The following PCDH9 variants were observed in gnomAD, a reference collection of about 807,000 sequenced individuals.
PCDH9 encodes the protein protocadherin-9.
Under a neutral mutation model 70.6 loss-of-function variants are expected in PCDH9, and 24 were observed. That is an observed-to-expected ratio of 0.34 (90% CI 0.25 to 0.48). The LOEUF (loss-of-function observed/expected upper bound fraction) is 0.48, where lower values mean the gene tolerates loss of function less well. Ranked by LOEUF, PCDH9 falls within the 20% of genes least tolerant of loss-of-function variation. The pLI is 0.99. For synonymous variants in PCDH9, 562 were observed against 558.5 expected (o/e 1.01, Z -0.09); for missense variants, 1,281 against 1,503.6 (o/e 0.85, Z 2.45).
At position 66,885,590 on chromosome 13, in the gene PCDH9, A is replaced by G. The variant is rs181571581; in HGVS notation, c.3138+17914T>C. On this transcript the variant is annotated intron_variant, in intron 3 of 4. Coordinates refer to ENST00000377865, the MANE Select transcript of PCDH9 (RefSeq NM_203487.3). Reference sequence around the variant, plus strand: ...AAAGAGAGAAAGAGTTCAAGTAACAATTGGGATTATGCATTTATATTGCCA... The same window carrying G: ...AAAGAGAGAAAGAGTTCAAGTAACAGTTGGGATTATGCATTTATATTGCCA... 5.2e-3 allele frequency among the ~76,000 whole-genome samples: 786 copies of G among 152,240 alleles called. 12 individuals carry two copies. Among genetic ancestry groups the G allele is most frequent in the African/African-American group, 0.018 (755 of 41,548 alleles).
chr13:66,533,298 T>C (rs949927026), intron 4 of PCDH9, among the ~76,000 whole-genome samples: 3 of 152,122 alleles, frequency 2.0e-5, no homozygotes, highest in African/African-American at 4.8e-5. Context: ...AAAATAAATA[T>C]GTTCATTAGA....
chr13:66,534,150 A>C (rs1404268654), intron 4 of PCDH9, among the ~76,000 whole-genome samples: 2 of 152,170 alleles, frequency 1.3e-5, no homozygotes, highest in African/African-American at 4.8e-5. Context: ...ATAACAATAT[A>C]ACTTAGAAGG....
intron 4 of PCDH9, among the ~76,000 whole-genome samples, chr13:66,485,752 T>G (rs1459415228): frequency 6.6e-6 from 1 of 151,998 alleles, no homozygotes. Context: ...TATTTTTTAT[T>G]TTTTTTGAGA....
chr13:67,040,636 GT>G (rs1380822622), intron 2 of PCDH9, among the ~76,000 whole-genome samples: 1 of 152,090 alleles, frequency 6.6e-6, no homozygotes, highest in Non-Finnish European at 1.5e-5. Context: ...AAGCCACCAA[GT>G]TTATAGTACT....
chr13:66,559,271 C>T (rs1319847495), intron 4 of PCDH9, among the ~76,000 whole-genome samples: 1 of 150,846 alleles, frequency 6.6e-6, no homozygotes, highest in Non-Finnish European at 1.5e-5. Flanking sequence ...GTAAACAAAT[C>T]AGCTAAGAGC....
chr13:66,367,694 G>A (rs1956577109), intron 4 of PCDH9, among the ~76,000 whole-genome samples: 1 of 152,096 alleles, frequency 6.6e-6, no homozygotes, highest in African/African-American at 2.4e-5. Context: ...TTGAAGGGGT[G>A]ACACTAAATA....
intron 2 of PCDH9, among the ~76,000 whole-genome samples, chr13:67,058,155 T>G (rs2085459538): frequency 6.6e-6 from 1 of 152,174 alleles, no homozygotes; most frequent in South Asian, 2.1e-4. Flanking sequence ...AAAGGAATTT[T>G]CATGACTTCA....
intron 3 of PCDH9, among the ~76,000 whole-genome samples, chr13:66,852,599 T>G (rs748716165): frequency 2.6e-5 from 4 of 152,182 alleles, no homozygotes; most frequent in Non-Finnish European, 2.9e-5. Flanking sequence ...GTGACACCCT[T>G]CTTACCAACT....
At chr13:67,109,070 C>T (rs1270449695) in intron 2 of PCDH9, among the ~76,000 whole-genome samples, 4 of 152,098 alleles carry the variant, frequency 2.6e-5, no homozygotes, top group Non-Finnish European at 5.9e-5. Context: ...TATAAATGTA[C>T]ATATTTTATA....
chr13:66,511,777 C>T (rs1027364819), intron 4 of PCDH9, among the ~76,000 whole-genome samples: 8 of 152,054 alleles, frequency 5.3e-5, no homozygotes, highest in African/African-American at 1.4e-4. Context: ...TCCTGCTTTT[C>T]CCATGTGATA....
chr13:66,573,347 T>C (rs1021633414), intron 4 of PCDH9, among the ~76,000 whole-genome samples: 2 of 151,806 alleles, frequency 1.3e-5, no homozygotes, highest in African/African-American at 4.8e-5. Context: ...ATAGATAGTC[T>C]GCAAATATTT....
chr13:67,220,799 CT>C (rs1350878055), intron 2 of PCDH9: 1 of 152,056 alleles, frequency 6.6e-6, no homozygotes, highest in African/African-American at 2.4e-5. Context: ...ACAATAGTAA[CT>C]TTTCATTTTT....
intron 2 of PCDH9, among the ~76,000 whole-genome samples, chr13:67,068,281 T>A (rs990368020): frequency 6.6e-6 from 1 of 151,610 alleles, no homozygotes; most frequent in African/African-American, 2.4e-5. Flanking sequence ...TTATTAAAAG[T>A]TTATTTTATT....
At chr13:66,772,082 C>T (rs1297097099) in intron 3 of PCDH9, among the ~76,000 whole-genome samples, 1 of 152,210 alleles carries the variant, frequency 6.6e-6, no homozygotes, top group Non-Finnish European at 1.5e-5. Context: ...AGGTAGCCAA[C>T]ATTCTGGCAT....
intron 2 of PCDH9, among the ~76,000 whole-genome samples, chr13:66,909,930 G>C (rs1359503216): frequency 1.3e-5 from 2 of 152,044 alleles, no homozygotes; most frequent in East Asian, 3.9e-4. Flanking sequence ...AGTTCTTCTA[G>C]GGGCAGCAGA....
chr13:67,006,243 C>CAAAA (rs1391230267), intron 2 of PCDH9, among the ~76,000 whole-genome samples: 3 of 151,856 alleles, frequency 2.0e-5, no homozygotes, highest in Non-Finnish European at 4.4e-5. Context: ...AACAAACAAA[C>CAAAA]AAAAAAATTG....
intron 3 of PCDH9, among the ~76,000 whole-genome samples, chr13:66,789,607 C>T (rs1465617430): frequency 6.6e-6 from 1 of 151,906 alleles, no homozygotes; most frequent in Non-Finnish European, 1.5e-5. Context: ...ATTATATATA[C>T]TTTATGACTC....
intron 4 of PCDH9, among the ~76,000 whole-genome samples, chr13:66,360,553 GTC>G (rs1426646032): frequency 6.6e-6 from 1 of 152,090 alleles, no homozygotes; most frequent in African/African-American, 2.4e-5. Flanking sequence ...ACTGTGTACA[GTC>G]TTTATTTGAC....
intron 2 of PCDH9, among the ~76,000 whole-genome samples, chr13:67,036,936 G>T (rs2139897960): frequency 6.6e-6 from 1 of 152,282 alleles, no homozygotes; most frequent in Middle Eastern, 3.4e-3. Flanking sequence ...TGCAGCAGTT[G>T]TCCGGATGAA....
Sources: gnomAD v4.1 joint callset for allele counts (sites outside exome capture counted in the v4.1 genomes callset) on GRCh38, gnomAD v4.1.1 for gene constraint, MANE v1.5 for transcripts, NCBI Gene and HGNC (gene_info 2026-07-23, HGNC 2026-07-21) for gene names.